PIK3AP1: variants seen among roughly 807,000 people sequenced by gnomAD.
PIK3AP1 encodes phosphoinositide-3-kinase adaptor protein 1.
A neutral mutation model predicts 88.1 loss-of-function variants in PIK3AP1; 21 were observed. That is an observed-to-expected ratio of 0.24 (90% CI 0.17 to 0.34). The LOEUF (loss-of-function observed/expected upper bound fraction) is 0.34. PIK3AP1 is among the 10% of genes least tolerant of loss of function. The pLI is 1.00. For synonymous variants in PIK3AP1, 398 were observed against 400.0 expected (o/e 1.00, Z 0.06); for missense variants, 828 against 1,035.7 (o/e 0.80, Z 2.75).
chr10:96,651,433 C>T (rs969094564), intron 5 of PIK3AP1, 53 bp from the exon 6 acceptor site: 121 of 1,613,904 alleles, frequency 7.5e-5, no homozygotes, highest in East Asian at 5.8e-4. Context: ...TCTTCCATCC[C>T]GCAGATTCAA....
chr10:96,602,606 A>T (rs1848918328), intron 15 of PIK3AP1, among the ~76,000 whole-genome samples: 1 of 152,134 alleles, frequency 6.6e-6, no homozygotes, highest in East Asian at 1.9e-4. Flanking sequence ...GGCCCCAATG[A>T]TCATTAATTG....
rs1444183398 is a variant in PIK3AP1 at position 96,719,399 on chromosome 10, TTA to T, written c.13+981_13+982del. Among the ~76,000 whole-genome samples, 12 of 152,188 alleles carry T rather than the reference TTA, an allele frequency of 7.9e-5. 1 individual carries two copies. The highest frequency in any genetic ancestry group is 7.9e-4 in the Admixed American group (12 of 15,274). ...GGCACCTGCAACCTGTTTTCACAGG[TTA>T]TCCCTACTAAAACATCATAAAGTGG... On this transcript the variant is annotated intron_variant, in intron 1 of 16. Coordinates refer to ENST00000339364, the MANE Select transcript of PIK3AP1 (RefSeq NM_152309.3).
chr10:96,719,588 C>CAGT (rs1844545427), intron 1 of PIK3AP1, among the ~76,000 whole-genome samples: 1 of 152,178 alleles, frequency 6.6e-6, no homozygotes, highest in Non-Finnish European at 1.5e-5. Flanking sequence ...ATTAGGTGCA[C>CAGT]AGTATCCATT....
At chr10:96,598,044 G>T (rs139225504) in intron 16 of PIK3AP1, among the ~76,000 whole-genome samples, 70 of 115,910 alleles carry the variant, frequency 6.0e-4, no homozygotes, top group African/African-American at 8.5e-4. Flanking sequence ...TTTTTTTGTT[G>T]TTTTTTTTTT....
At chr10:96,646,282 G>A (rs542713074) in intron 7 of PIK3AP1, among the ~76,000 whole-genome samples, 126 of 151,716 alleles carry the variant, frequency 8.3e-4, no homozygotes, top group Admixed American at 1.1e-3. Flanking sequence ...ATACTTTCCC[G>A]TGAGCACCTT....
intron 8 of PIK3AP1, among the ~76,000 whole-genome samples, chr10:96,629,909 C>CAA (rs66669261): frequency 1.3e-3 from 7 of 5,408 alleles, no homozygotes; most frequent in South Asian, 9.6e-3. Flanking sequence ...CAACAACAAC[C>CAA]AAAAAAAAAA....
In PIK3AP1 at chr10:96,593,575, A is replaced by G. The variant is rs1421651608; in HGVS notation, c.*2002T>C. ...TTTTAAATCAAATTCAAGTTTGCCT[A>G]TGACAAAGACTGTCTATAAGTAACA... On this transcript the variant is annotated 3_prime_UTR_variant, in exon 17 of 17. Transcript: ENST00000339364. 34 of 152,224 alleles carry G rather than the reference A, an allele frequency of 2.2e-4. No individual in the cohort carries two copies. The highest frequency in any genetic ancestry group is 1.5e-5 in the Non-Finnish European group (1 of 68,042). The allele number at this position is 152,224 out of a possible 1,614,324, so 9.4% of individuals were successfully genotyped here. A position where few individuals can be genotyped will look rare whatever the true frequency, so the allele number is the denominator to read the frequency against.
At chr10:96,618,140 T>C (rs577464280) in intron 12 of PIK3AP1, among the ~76,000 whole-genome samples, 3 of 152,228 alleles carry the variant, frequency 2.0e-5, no homozygotes, top group Admixed American at 2.0e-4. Flanking sequence ...GATTCTGCCG[T>C]ATTAAATATA....
rs181697557 is a variant in PIK3AP1 at position 96,659,479 on chromosome 10, T to C, written c.431-2545A>G. ...TATTTCTCCCAAATTACTGGCCCAC[T>C]AGTCTATATTTTAAGAAATTTTATG... On this transcript the variant is annotated intron_variant, in intron 2 of 16. Transcript: ENST00000339364. Among the ~76,000 whole-genome samples the C allele has an allele frequency of 7.6e-4, 115 of 152,246 alleles. 1 individual carries two copies. Among genetic ancestry groups the C allele is most frequent in the Admixed American group, 2.4e-3 (37 of 15,290 alleles).
chr10:96,633,016 A>G (rs1160583103), intron 8 of PIK3AP1: 1 of 1,612,502 alleles, frequency 6.2e-7, no homozygotes, highest in Non-Finnish European at 8.5e-7. Flanking sequence ...CTCAGATGCA[A>G]AGAGACAAGA....
intron 13 of PIK3AP1, among the ~76,000 whole-genome samples, chr10:96,612,686 G>C (rs1383285781): frequency 6.6e-6 from 1 of 151,882 alleles, no homozygotes; most frequent in Non-Finnish European, 1.5e-5. Context: ...AGAATGATGA[G>C]TGCCCCTCCC....
At chr10:96,640,803 A>C (rs1232033585) in intron 8 of PIK3AP1, among the ~76,000 whole-genome samples, 1 of 151,890 alleles carries the variant, frequency 6.6e-6, no homozygotes, top group Non-Finnish European at 1.5e-5. Context: ...GACCACAGGC[A>C]TGTGCCACCA....
Position 96,656,855 on chromosome 10 carries a change from C to G in PIK3AP1, c.510G>C (p.Pro170=), listed in dbSNP as rs761536697. ...TCAGGTTCCCAGGTGAAGTCACCGT[C>G]GGCAGGTTCTGCTGCTTCGAGTAGG... is the stretch of plus-strand genomic sequence containing the variant. ...VVSYSKQQNL[P]TVTSPGNLMV... The change falls in exon 3 of 17, where the codon CCG becomes CCC. Residue 170 remains proline (P), a synonymous_variant. Coordinates refer to ENST00000339364, the MANE Select transcript of PIK3AP1 (RefSeq NM_152309.3). 1.9e-5 allele frequency: 31 copies of G among 1,614,162 alleles called. No individual in the cohort carries two copies. The South Asian group carries it at 3.4e-4, about 18-fold the overall frequency.
intron 8 of PIK3AP1, among the ~76,000 whole-genome samples, chr10:96,632,576 G>A (rs556917776): frequency 1.2e-4 from 18 of 152,262 alleles, no homozygotes; most frequent in Non-Finnish European, 2.5e-4. Context: ...CAATGATCGA[G>A]ATGGTGCTAA....
At chr10:96,640,623 T>C (rs905642261) in intron 8 of PIK3AP1, among the ~76,000 whole-genome samples, 4 of 152,168 alleles carry the variant, frequency 2.6e-5, no homozygotes, top group Non-Finnish European at 5.9e-5. Flanking sequence ...TCTTACATAA[T>C]AAGGTGTGAA....
chr10:96,606,058 G>A (rs1848997118), intron 14 of PIK3AP1, among the ~76,000 whole-genome samples: 1 of 152,240 alleles, frequency 6.6e-6, no homozygotes, highest in African/African-American at 2.4e-5. Context: ...ACTTCAGCCT[G>A]GGCGACAGAG....
intron 13 of PIK3AP1, 82 bp from the exon 14 acceptor site, chr10:96,609,949 GCCTCT>G: frequency 6.7e-7 from 1 of 1,494,612 alleles, no homozygotes; most frequent in African/African-American, 1.4e-5. Flanking sequence ...CCCTCCACCT[GCCTCT>G]CTCACAGGAG....
At chr10:96,656,237 C>A (rs185950975) in intron 3 of PIK3AP1, among the ~76,000 whole-genome samples, 108 of 152,358 alleles carry the variant, frequency 7.1e-4, no homozygotes, top group Non-Finnish European at 1.2e-3. Flanking sequence ...AGTGGCTCAT[C>A]AGTTGGGCCC....
chr10:96,701,726 G>C (rs1377802041), intron 2 of PIK3AP1, among the ~76,000 whole-genome samples: 1 of 152,182 alleles, frequency 6.6e-6, no homozygotes, highest in East Asian at 1.9e-4. Flanking sequence ...GATGCTAAGA[G>C]CAGGCTTGCA....
Sources: allele counts gnomAD v4.1 joint callset (sites outside exome capture counted in the v4.1 genomes callset), GRCh38; gene constraint gnomAD v4.1.1; transcripts MANE v1.5; gene names NCBI Gene and HGNC (gene_info 2026-07-23, HGNC 2026-07-21).